The following SLC10A7 variants were observed in gnomAD, a reference collection of about 807,000 sequenced individuals.
SLC10A7 encodes sodium/bile acid cotransporter 7.
Under a neutral mutation model 43.2 loss-of-function variants are expected in SLC10A7, and 29 were observed. The observed-to-expected ratio is 0.67, with a 90% CI of 0.50 to 0.92. The LOEUF (loss-of-function observed/expected upper bound fraction) is 0.92, where lower values mean the gene tolerates loss of function less well. Among genes scored for constraint, SLC10A7 ranks in the 40% least tolerant of loss-of-function variants. The pLI, the probability that SLC10A7 is intolerant of heterozygous loss-of-function variation, is 0.00. For synonymous variants in SLC10A7, 152 were observed against 144.8 expected, an observed-to-expected ratio of 1.05 and a Z score of -0.35; for missense variants, 295 against 403.2, an observed-to-expected ratio of 0.73 and a Z score of 2.30.
At chr4:146,327,395 A>G (rs1733206904) in intron 5 of SLC10A7, among the ~76,000 whole-genome samples, 1 of 152,210 alleles carries the variant, frequency 6.6e-6, no homozygotes. Context: ...GGTTCTCATT[A>G]ACACATTTAG....
At chr4:146,313,150 C>G (rs1480999345) in intron 6 of SLC10A7, among the ~76,000 whole-genome samples, 1 of 152,168 alleles carries the variant, frequency 6.6e-6, no homozygotes, top group Non-Finnish European at 1.5e-5. Flanking sequence ...CTTTCCAACT[C>G]TGGATTGACC....
intron 5 of SLC10A7, among the ~76,000 whole-genome samples, chr4:146,333,815 AG>A (rs1733698258): frequency 6.6e-6 from 1 of 151,798 alleles, no homozygotes; most frequent in Admixed American, 6.6e-5. Flanking sequence ...CTCTGTGGTT[AG>A]GTAAGAATCA....
rs999041396 is a variant in SLC10A7, at chr4:146,350,122, G to A, written c.436-24126C>T. The stretch of plus-strand genomic sequence containing the variant: ...TTTCTGCATTTCCATCTGAGGTACC[G>A]GGTTCATCTCACTAGGGAGTGCCAG... On this transcript the variant is annotated intron_variant, in intron 5 of 11. Coordinates refer to ENST00000335472, the MANE Select transcript of SLC10A7 (RefSeq NM_001029998.6). Among the ~76,000 whole-genome samples, 179 of 150,412 alleles carry A rather than the reference G, an allele frequency of 1.2e-3. 2 individuals are homozygous for A. The East Asian group carries it at 0.027, about 22-fold the overall frequency.
At chr4:146,333,948 T>C (rs779146008) in intron 5 of SLC10A7, among the ~76,000 whole-genome samples, 5 of 152,072 alleles carry the variant, frequency 3.3e-5, no homozygotes, top group Admixed American at 6.6e-5. Flanking sequence ...ATCTTAGTCA[T>C]CAAGATGGAC....
intron 10 of SLC10A7, among the ~76,000 whole-genome samples, chr4:146,278,450 G>A (rs1729345304): frequency 6.6e-6 from 1 of 152,104 alleles, no homozygotes; most frequent in Non-Finnish European, 1.5e-5. Context: ...TTTAGCCGAA[G>A]TTGTAGGTAA....
At chr4:146,261,955 A>C (rs557278821) in intron 10 of SLC10A7, among the ~76,000 whole-genome samples, 1 of 152,318 alleles carries the variant, frequency 6.6e-6, no homozygotes, top group East Asian at 1.9e-4. Flanking sequence ...ATTTCAGACA[A>C]TGCATGTCTG....
intron 5 of SLC10A7, among the ~76,000 whole-genome samples, chr4:146,414,728 A>AC (rs1251537678): frequency 6.6e-6 from 1 of 152,018 alleles, no homozygotes; most frequent in African/African-American, 2.4e-5. Context: ...ATCTAAAAAA[A>AC]AAAAAAACTC....
intron 5 of SLC10A7, among the ~76,000 whole-genome samples, chr4:146,407,083 T>A (rs1307458806): frequency 6.6e-6 from 1 of 152,222 alleles, no homozygotes; most frequent in Admixed American, 6.5e-5. Flanking sequence ...GGATCTTTCC[T>A]ACCCCTCACT....
intron 5 of SLC10A7, among the ~76,000 whole-genome samples, chr4:146,389,791 G>A (rs1409773528): frequency 6.6e-6 from 1 of 152,194 alleles, no homozygotes; most frequent in Non-Finnish European, 1.5e-5. Context: ...TTGGCCTTCT[G>A]GCTATGAAAC....
In SLC10A7 at chr4:146,468,950, C is replaced by T. The variant is rs114564282; in HGVS notation, c.397-26129G>A. Among the ~76,000 whole-genome samples the T allele has an allele frequency of 8.3e-3, 1,255 of 151,986 alleles. 15 individuals are homozygous for T. The highest frequency in any genetic ancestry group is 0.029 in the African/African-American group (1,210 of 41,432). On this transcript the variant is annotated intron_variant, in intron 4 of 11. Transcript: ENST00000335472. Reference sequence around the variant, plus strand: ...GGGTAGGGGGGTACCTTAAAGTCCTCGGGGAAAACCAAACTTGTATGAAGA... The same window carrying T: ...GGGTAGGGGGGTACCTTAAAGTCCTTGGGGAAAACCAAACTTGTATGAAGA...
intron 2 of SLC10A7, among the ~76,000 whole-genome samples, chr4:146,515,484 T>C (rs900693046): frequency 7.2e-5 from 11 of 152,340 alleles, no homozygotes; most frequent in African/African-American, 2.4e-4. Context: ...AATTGGAATT[T>C]GACATACTAG....
At chr4:146,438,474 T>C (rs767795882) in intron 5 of SLC10A7, among the ~76,000 whole-genome samples, 1 of 152,060 alleles carries the variant, frequency 6.6e-6, no homozygotes, top group Non-Finnish European at 1.5e-5. Context: ...TCTGACTCTT[T>C]GATGCTGTTT....
intron 9 of SLC10A7, among the ~76,000 whole-genome samples, chr4:146,286,174 CGGAG>C (rs1729915110): frequency 1.7e-5 from 1 of 57,994 alleles, no homozygotes; most frequent in Non-Finnish European, 3.4e-5. Context: ...GTGAGAAGGA[CGGAG>C]TTTGGAGTGG....
At chr4:146,319,570 C>T (rs1732553979) in intron 6 of SLC10A7, among the ~76,000 whole-genome samples, 1 of 152,020 alleles carries the variant, frequency 6.6e-6, no homozygotes, top group Non-Finnish European at 1.5e-5. Flanking sequence ...AGAGCAAAGA[C>T]ACATCTGTTT....
intron 5 of SLC10A7, among the ~76,000 whole-genome samples, chr4:146,409,140 G>A (rs994320152): frequency 6.6e-6 from 1 of 152,060 alleles, no homozygotes; most frequent in African/African-American, 2.4e-5. Context: ...GGTATGTATA[G>A]GCAAAGGCTT....
intron 2 of SLC10A7, among the ~76,000 whole-genome samples, chr4:146,512,808 A>G (rs1737602849): frequency 6.6e-6 from 1 of 152,220 alleles, no homozygotes; most frequent in African/African-American, 2.4e-5. Context: ...ATATATTTTT[A>G]TCCTTTGCAA....
At chr4:146,365,177 C>CA (rs374461620) in intron 5 of SLC10A7, among the ~76,000 whole-genome samples, 1 of 152,034 alleles carries the variant, frequency 6.6e-6, no homozygotes, top group Non-Finnish European at 1.5e-5. Context: ...CAGAGTTGTA[C>CA]AAAAAAGTTA....
At chr4:146,451,231 CAAAAAAA>C (rs572993886) in intron 4 of SLC10A7, among the ~76,000 whole-genome samples, 745 of 71,692 alleles carry the variant, frequency 0.01, 14 homozygotes, top group African/African-American at 0.037. Flanking sequence ...AGTCTCCCAC[CAAAAAAA>C]AAAAAAAAAA....
At chr4:146,503,994 T>G (rs1736661188) in intron 3 of SLC10A7, 70 bp from the exon 4 acceptor site, 4 of 1,286,640 alleles carry the variant, frequency 3.1e-6, no homozygotes, top group Non-Finnish European at 2.2e-6. Flanking sequence ...ACATTCATTC[T>G]AAAATAGCAA....
Sources: allele counts gnomAD v4.1 joint callset (sites outside exome capture counted in the v4.1 genomes callset), GRCh38; gene constraint gnomAD v4.1.1; transcripts MANE v1.5; gene names NCBI Gene and HGNC (gene_info 2026-07-23, HGNC 2026-07-21).